The following PDCD10 variants were observed in gnomAD, a reference collection of about 807,000 sequenced individuals.
PDCD10 encodes the protein programmed cell death 10.
In PDCD10, 4 loss-of-function variants were observed where a neutral mutation model predicts 29.2. That is an observed-to-expected ratio of 0.14 (90% CI 0.07 to 0.31). The LOEUF (loss-of-function observed/expected upper bound fraction) is 0.31, where lower values mean the gene tolerates loss of function less well. Ranked by LOEUF, PDCD10 falls within the 10% of genes least tolerant of loss-of-function variation. The pLI is 1.00. For missense variants in PDCD10, 183 were observed against 257.9 expected, an observed-to-expected ratio of 0.71 and a Z score of 1.99; for synonymous variants, 70 against 82.2, an observed-to-expected ratio of 0.85 and a Z score of 0.80.
chr3:167,712,553 G>A (rs1160456377), intron 3 of PDCD10, among the ~76,000 whole-genome samples: 1 of 151,766 alleles, frequency 6.6e-6, no homozygotes, highest in African/African-American at 2.4e-5. Context: ...AAGGAAAAAA[G>A]GAAGAGAAGA....
At chr3:167,693,292 A>T (rs1720454417) in intron 6 of PDCD10, among the ~76,000 whole-genome samples, 1 of 152,252 alleles carries the variant, frequency 6.6e-6, no homozygotes, top group Non-Finnish European at 1.5e-5. Flanking sequence ...TTCAACTTGT[A>T]CATAATTCTG....
At chr3:167,699,953 AAT>A (rs1721213128) in intron 4 of PDCD10, among the ~76,000 whole-genome samples, 1 of 152,226 alleles carries the variant, frequency 6.6e-6, no homozygotes, top group Non-Finnish European at 1.5e-5. Flanking sequence ...GAATGCATAA[AAT>A]ATAGTTATCC....
At chr3:167,695,757 C>G (rs202036232) in intron 5 of PDCD10, 35 bp from the exon 6 acceptor site, 2 of 1,604,368 alleles carry the variant, frequency 1.2e-6, no homozygotes, top group African/African-American at 1.3e-5. Flanking sequence ...AAACATCCTG[C>G]GACTCTCTGC....
At chr3:167,709,045 A>T (rs2108449875) in intron 3 of PDCD10, among the ~76,000 whole-genome samples, 1 of 152,306 alleles carries the variant, frequency 6.6e-6, no homozygotes, top group Admixed American at 6.5e-5. Context: ...GCTAATTATG[A>T]TCACTTCCTG....
At chr3:167,702,032 T>C (rs1721495107) in intron 4 of PDCD10, among the ~76,000 whole-genome samples, 1 of 152,226 alleles carries the variant, frequency 6.6e-6, no homozygotes, top group African/African-American at 2.4e-5. Flanking sequence ...AGAAGAGTTC[T>C]CTTTATTCAA....
At chr3:167,706,467 C>T (rs1423264665) in intron 3 of PDCD10, among the ~76,000 whole-genome samples, 1 of 152,190 alleles carries the variant, frequency 6.6e-6, no homozygotes. Context: ...ATGATACAGC[C>T]TACTGTGTCT....
At chr3:167,728,380 C>T (rs187080000) in intron 2 of PDCD10, among the ~76,000 whole-genome samples, 2 of 152,060 alleles carry the variant, frequency 1.3e-5, no homozygotes, top group Non-Finnish European at 2.9e-5. Flanking sequence ...TTGTAGTAAC[C>T]TTATATAAGT....
intron 2 of PDCD10, among the ~76,000 whole-genome samples, chr3:167,720,805 C>G (rs574468171): frequency 6.6e-6 from 1 of 152,050 alleles, no homozygotes; most frequent in African/African-American, 2.4e-5. Flanking sequence ...ATAACAAGCA[C>G]CAAATATGTC....
intron 4 of PDCD10, 70 bp from the exon 5 acceptor site, chr3:167,697,196 G>C: frequency 1.2e-6 from 1 of 866,554 alleles, no homozygotes; most frequent in South Asian, 1.3e-5. Flanking sequence ...AAGTTTAATT[G>C]TTTAGAATCT....
intron 3 of PDCD10, among the ~76,000 whole-genome samples, chr3:167,711,992 T>C (rs1722567608): frequency 6.6e-6 from 1 of 152,092 alleles, no homozygotes; most frequent in Admixed American, 6.6e-5. Context: ...ACACTAGACT[T>C]GTCCTAGAAG....
At chr3:167,699,391 G>A (rs1721140741) in intron 4 of PDCD10, among the ~76,000 whole-genome samples, 1 of 152,110 alleles carries the variant, frequency 6.6e-6, no homozygotes, top group African/African-American at 2.4e-5. Context: ...AATACTTCGT[G>A]GCACCCCTCT....
Position 167,732,424 on chromosome 3 carries a change from A to C in PDCD10, c.-117+1790T>G, listed in dbSNP as rs529051649. Among the ~76,000 whole-genome samples, 12 of 152,324 alleles carry C rather than the reference A, an allele frequency of 7.9e-5. No individual in the cohort carries two copies. The South Asian group carries it at 2.5e-3, about 32-fold the overall frequency. Reference sequence around the variant, plus strand: ...AGGCTCCTGCAAAGTTCAAAATGAGAAGAAATGCAGACACTGGTGAGCTGC... The same window carrying C: ...AGGCTCCTGCAAAGTTCAAAATGAGCAGAAATGCAGACACTGGTGAGCTGC... On this transcript the variant is annotated intron_variant, in intron 2 of 8. Transcript: ENST00000392750.
At chr3:167,704,654 C>T (rs113255339) in intron 4 of PDCD10, 188 bp downstream of exon 4, 4 of 517,950 alleles carry the variant, frequency 7.7e-6, no homozygotes, top group Non-Finnish European at 6.9e-6. Context: ...AAGATGAATG[C>T]TAACGAAATA....
chr3:167,699,403 A>C (rs1266174763), intron 4 of PDCD10, among the ~76,000 whole-genome samples: 5 of 152,218 alleles, frequency 3.3e-5, no homozygotes, highest in Non-Finnish European at 7.3e-5. Flanking sequence ...CACCCCTCTG[A>C]ATTTGCTATG....
intron 2 of PDCD10, among the ~76,000 whole-genome samples, chr3:167,733,718 T>C (rs1034433626): frequency 6.6e-6 from 1 of 152,202 alleles, no homozygotes; most frequent in Non-Finnish European, 1.5e-5. Flanking sequence ...TTATCAGTTT[T>C]ACAAAATGAG....
chr3:167,707,069 T>C (rs1483072272), intron 3 of PDCD10, among the ~76,000 whole-genome samples: 1 of 152,218 alleles, frequency 6.6e-6, no homozygotes, highest in South Asian at 2.1e-4. Context: ...GTTCCTACCA[T>C]GTACTTGAGT....
chr3:167,693,610 C>T (rs1720489368), intron 6 of PDCD10, among the ~76,000 whole-genome samples: 1 of 151,918 alleles, frequency 6.6e-6, no homozygotes, highest in Non-Finnish European at 1.5e-5. Flanking sequence ...AGTGGTTTGC[C>T]CAAGGAAACA....
intron 4 of PDCD10, among the ~76,000 whole-genome samples, chr3:167,699,845 T>C (rs913988563): frequency 3.3e-5 from 5 of 152,046 alleles, no homozygotes; most frequent in African/African-American, 9.7e-5. Context: ...AATAAATATA[T>C]AGGAAAAATT....
chr3:167,711,839 AC>A (rs1722551454), intron 3 of PDCD10, among the ~76,000 whole-genome samples: 1 of 152,176 alleles, frequency 6.6e-6, no homozygotes, highest in African/African-American at 2.4e-5. Context: ...TGGAAACCTT[AC>A]AGGCCATGAG....
Sources: allele counts gnomAD v4.1 joint callset (sites outside exome capture counted in the v4.1 genomes callset), GRCh38; gene constraint gnomAD v4.1.1; transcripts MANE v1.5; gene names NCBI Gene and HGNC (gene_info 2026-07-23, HGNC 2026-07-21).